RGS7: variants seen among roughly 807,000 people sequenced by gnomAD.
The protein encoded by RGS7 is regulator of G-protein signaling 7.
In RGS7, 27 loss-of-function variants were observed where a neutral mutation model predicts 81.1. The ratio of observed to expected loss-of-function variants is 0.33; its 90% CI spans 0.25 to 0.46. The LOEUF (loss-of-function observed/expected upper bound fraction) is 0.46, where lower values mean the gene tolerates loss of function less well. Ranked by LOEUF, RGS7 falls within the 20% of genes least tolerant of loss-of-function variation. The probability of loss-of-function intolerance (pLI) is 1.00; values close to 1 mark genes in which losing one functional copy is unlikely to be tolerated. For missense variants in RGS7, 396 were observed against 607.4 expected (o/e 0.65, Z 3.66); for synonymous variants, 208 against 207.7 (o/e 1.00, Z -0.01).
chr1:240,994,961 C>A lies in RGS7; in HGVS notation c.176-11832G>T, dbSNP rs955219479. On this transcript the variant is annotated intron_variant, in intron 3 of 18. Transcript: ENST00000440928. ...AAAGTGCTGAGATTAAAGGCATGAA[C>A]CACAGCACCTGGCCTAAAGTTTTTG... Among the ~76,000 whole-genome samples, 5 of 152,208 alleles carry A rather than the reference C, an allele frequency of 3.3e-5. No homozygotes were observed. In the Middle Eastern group the frequency reaches 0.01, roughly 311 times the overall value.
intron 2 of RGS7, among the ~76,000 whole-genome samples, chr1:241,331,843 G>A (rs1174489476): frequency 6.6e-6 from 1 of 152,168 alleles, no homozygotes; most frequent in African/African-American, 2.4e-5. Context: ...GCAGAAAGAT[G>A]TATGGTAATG....
intron 2 of RGS7, among the ~76,000 whole-genome samples, chr1:241,325,946 T>G (rs577332583): frequency 1.3e-5 from 2 of 152,320 alleles, no homozygotes; most frequent in Admixed American, 6.5e-5. Context: ...TATGCTCCTC[T>G]GCTCTCTACT....
chr1:240,986,571 A>ATTTTTTTT (rs1172119682), intron 3 of RGS7, among the ~76,000 whole-genome samples: 2 of 4,348 alleles, frequency 4.6e-4, no homozygotes, highest in Non-Finnish European at 3.8e-4. Context: ...CACCACTATT[A>ATTTTTTTT]TTTTTTTTTT....
chr1:241,120,778 TA>T (rs1477836699), intron 2 of RGS7, among the ~76,000 whole-genome samples: 1 of 151,936 alleles, frequency 6.6e-6, no homozygotes, highest in Non-Finnish European at 1.5e-5. Flanking sequence ...ATAGGGAAAC[TA>T]GCTGACAAGT....
chr1:241,295,902 G>T (rs547301635), intron 2 of RGS7, among the ~76,000 whole-genome samples: 1 of 152,294 alleles, frequency 6.6e-6, no homozygotes, highest in East Asian at 1.9e-4. Flanking sequence ...AAACCGCCTG[G>T]GAGAAGACAG....
chr1:241,252,840 G>C (rs1365334086), intron 2 of RGS7, among the ~76,000 whole-genome samples: 3 of 152,180 alleles, frequency 2.0e-5, no homozygotes, highest in Non-Finnish European at 4.4e-5. Flanking sequence ...CACAGGCCTG[G>C]AGGCAGAAGA....
At chr1:241,268,551 T>TA (rs2077711256) in intron 2 of RGS7, among the ~76,000 whole-genome samples, 1 of 152,220 alleles carries the variant, frequency 6.6e-6, no homozygotes, top group African/African-American at 2.4e-5. Flanking sequence ...TTTCTCCAGT[T>TA]ACAAAGTTCT....
At chr1:241,165,734 A>G (rs1192221800) in intron 2 of RGS7, among the ~76,000 whole-genome samples, 3 of 151,838 alleles carry the variant, frequency 2.0e-5, no homozygotes, top group Non-Finnish European at 4.4e-5. Flanking sequence ...TACATATGTA[A>G]CTAACCTGAA....
intron 2 of RGS7, among the ~76,000 whole-genome samples, chr1:241,128,213 G>C (rs1002603864): frequency 9.3e-5 from 14 of 151,214 alleles, no homozygotes; most frequent in East Asian, 2.0e-4. Context: ...GAAAGTGGAG[G>C]TTGCAGTGAG....
intron 2 of RGS7, among the ~76,000 whole-genome samples, chr1:241,257,189 C>T (rs184444618): frequency 5.5e-4 from 84 of 152,068 alleles, no homozygotes; most frequent in African/African-American, 2.0e-3. Flanking sequence ...GTGGGAAGTC[C>T]GAGATCAAGG....
chr1:240,952,544 A>G (rs1679734269), intron 4 of RGS7, among the ~76,000 whole-genome samples: 1 of 152,022 alleles, frequency 6.6e-6, no homozygotes, highest in Non-Finnish European at 1.5e-5. Flanking sequence ...AATTATTTAA[A>G]CTGCTCAATT....
chr1:241,219,833 C>T (rs1421260687), intron 2 of RGS7, among the ~76,000 whole-genome samples: 3 of 151,258 alleles, frequency 2.0e-5, no homozygotes, highest in East Asian at 3.9e-4. Flanking sequence ...GAAATGTAAA[C>T]ATTATGTCAA....
intron 3 of RGS7, among the ~76,000 whole-genome samples, chr1:241,007,201 G>A (rs536031553): frequency 1.9e-4 from 29 of 152,232 alleles, no homozygotes; most frequent in Non-Finnish European, 4.1e-4. Context: ...ACAGGTGTGA[G>A]CCACTGCGCC....
At chr1:240,955,544 T>C (rs1468186294) in intron 4 of RGS7, among the ~76,000 whole-genome samples, 2 of 113,482 alleles carry the variant, frequency 1.8e-5, no homozygotes, top group African/African-American at 4.0e-5. Flanking sequence ...AGAGCAAGAC[T>C]CTGTCTCAAA....
At chr1:240,880,162 C>A (rs1666127828) in intron 6 of RGS7, among the ~76,000 whole-genome samples, 1 of 152,202 alleles carries the variant, frequency 6.6e-6, no homozygotes, top group Non-Finnish European at 1.5e-5. Flanking sequence ...CTGCCTCAGC[C>A]TCCTGAATAG....
At chr1:241,174,901 T>TG (rs1558155550) in intron 2 of RGS7, among the ~76,000 whole-genome samples, 1 of 135,654 alleles carries the variant, frequency 7.4e-6, no homozygotes, top group Non-Finnish European at 1.6e-5. Flanking sequence ...TTTTGTTTTT[T>TG]TTTTTTTTTT....
chr1:241,097,241 G>C (rs867443212), intron 3 of RGS7, among the ~76,000 whole-genome samples: 9 of 151,924 alleles, frequency 5.9e-5, no homozygotes, highest in Non-Finnish European at 7.4e-5. Context: ...GGTGAGGAGA[G>C]GAGAAATGGA....
intron 4 of RGS7, among the ~76,000 whole-genome samples, chr1:240,937,987 G>A (rs977475404): frequency 4.6e-5 from 7 of 152,156 alleles, no homozygotes; most frequent in African/African-American, 1.7e-4. Context: ...GTAAAATTTG[G>A]TCAATAGTTA....
At chr1:240,983,158 CAG>C (rs1685178667) in intron 3 of RGS7, 29 bp from the exon 4 acceptor site, 2 of 1,267,292 alleles carry the variant, frequency 1.6e-6, no homozygotes, top group African/African-American at 3.0e-5. Flanking sequence ...AAAACACAAA[CAG>C]ATGTGAACAT....
Sources: gnomAD v4.1 joint callset for allele counts (sites outside exome capture counted in the v4.1 genomes callset) on GRCh38, gnomAD v4.1.1 for gene constraint, MANE v1.5 for transcripts, NCBI Gene and HGNC (gene_info 2026-07-23, HGNC 2026-07-21) for gene names.